Variants in B3GAT2 observed in about 807,000 individuals in gnomAD.
The protein encoded by B3GAT2 is beta-1,3-glucuronyltransferase 2.
Under a neutral mutation model 27.8 loss-of-function variants are expected in B3GAT2, and 26 were observed. The observed-to-expected ratio is 0.93, with a 90% CI of 0.68 to 1.30. B3GAT2 has a LOEUF of 1.30. B3GAT2 is among the 50% of genes most tolerant of loss of function. B3GAT2 has a pLI of 0.00. For missense variants in B3GAT2, 458 were observed against 459.0 expected (o/e 1.00, Z 0.02); for synonymous variants, 218 against 195.1 (o/e 1.12, Z -0.98).
intron 1 of B3GAT2, among the ~76,000 whole-genome samples, chr6:70,944,953 A>G (rs1765455151): frequency 6.6e-6 from 1 of 152,230 alleles, no homozygotes; most frequent in Non-Finnish European, 1.5e-5. Context: ...GCTGATAACC[A>G]GGCAAACAGG....
intron 1 of B3GAT2, among the ~76,000 whole-genome samples, chr6:70,928,456 G>C (rs1773002122): frequency 1.3e-5 from 2 of 151,850 alleles, no homozygotes; most frequent in Non-Finnish European, 2.9e-5. Flanking sequence ...TAATAAGGAA[G>C]AAAAGAGAGA....
intron 1 of B3GAT2, among the ~76,000 whole-genome samples, chr6:70,921,020 T>C (rs956811644): frequency 6.6e-6 from 1 of 152,242 alleles, no homozygotes; most frequent in Admixed American, 6.5e-5. Flanking sequence ...AATCCCTTTG[T>C]AGGTGACCTG....
At chr6:70,942,840 C>G (rs192945952) in intron 1 of B3GAT2, among the ~76,000 whole-genome samples, 17 of 152,126 alleles carry the variant, frequency 1.1e-4, no homozygotes, top group African/African-American at 4.1e-4. Flanking sequence ...CAGAGTAATA[C>G]AGTAGTACTG....
intron 1 of B3GAT2, among the ~76,000 whole-genome samples, chr6:70,945,739 T>C (rs980933279): frequency 2.0e-5 from 3 of 148,058 alleles, no homozygotes; most frequent in African/African-American, 7.5e-5. Context: ...AAGATACTCC[T>C]CGAGAAGAGC....
intron 2 of B3GAT2, among the ~76,000 whole-genome samples, chr6:70,875,083 C>T (rs1771992889): frequency 6.6e-6 from 1 of 151,534 alleles, no homozygotes; most frequent in African/African-American, 2.4e-5. Context: ...TTGACTTTGA[C>T]AAATTTTGCC....
chr6:70,875,263 C>T (rs972719189), intron 2 of B3GAT2, among the ~76,000 whole-genome samples: 2 of 152,156 alleles, frequency 1.3e-5, no homozygotes, highest in African/African-American at 2.4e-5. Flanking sequence ...CAGAAAACTG[C>T]TACTTAACTA....
intron 1 of B3GAT2, among the ~76,000 whole-genome samples, chr6:70,900,030 C>T (rs1347280092): frequency 6.6e-6 from 1 of 152,182 alleles, no homozygotes; most frequent in African/African-American, 2.4e-5. Context: ...GATAAAGGGG[C>T]AGCAATTCAT....
In B3GAT2 at chr6:70,860,136, C is replaced by CTAAAGAAACAAGAATTAAAAGTGAA; in HGVS notation, c.*1502_*1526dup. On this transcript the variant is annotated 3_prime_UTR_variant, in exon 4 of 4. Coordinates refer to ENST00000230053, the MANE Select transcript of B3GAT2 (RefSeq NM_080742.3). ...AATGAAAAAATGACCAACTGTGTGG[C>CTAAAGAAACAAGAATTAAAAGTGAA]TAAAGAAACAAGAATTAAAAGTGAA... 1 of 1,499,760 alleles carries CTAAAGAAACAAGAATTAAAAGTGAA rather than the reference C, an allele frequency of 6.7e-7. No homozygotes were observed. The highest frequency in any genetic ancestry group is 8.9e-7 in the Non-Finnish European group (1 of 1,122,788). 92.9% of individuals were successfully genotyped at this position (1,499,760 alleles called of 1,614,324 possible). A position where few individuals can be genotyped will look rare whatever the true frequency, so the allele number is the denominator to read the frequency against.
intron 2 of B3GAT2, 139 bp from the exon 3 acceptor site, chr6:70,862,117 G>A (rs1184764281): frequency 1.4e-6 from 1 of 724,104 alleles, no homozygotes; most frequent in Non-Finnish European, 2.2e-6. Context: ...AGTTGAATAG[G>A]AACATTACCT....
At chr6:70,902,617 G>GAT (rs61150776) in intron 1 of B3GAT2, among the ~76,000 whole-genome samples, 12,307 of 124,706 alleles carry the variant, frequency 0.099, 929 homozygotes, top group African/African-American at 0.22. Context: ...AAGAAAATGG[G>GAT]ATATATATAT....
intron 2 of B3GAT2, among the ~76,000 whole-genome samples, chr6:70,872,504 CT>C (rs70990337): frequency 0.05 from 6,050 of 119,942 alleles, 258 homozygotes; most frequent in African/African-American, 0.14. Context: ...CATTCCCGTT[CT>C]TTTTTTTTTT....
chr6:70,931,587 GAAGA>G (rs1218509689), intron 1 of B3GAT2, among the ~76,000 whole-genome samples: 1 of 152,090 alleles, frequency 6.6e-6, no homozygotes, highest in Admixed American at 6.6e-5. Flanking sequence ...TCATTCAACG[GAAGA>G]AAGAAGAGTC....
At position 70,858,418 on chromosome 6, in the gene B3GAT2, GTTA is replaced by G. The variant is rs779961124; in HGVS notation, c.*3242_*3244del. 225 of 507,894 alleles carry G rather than the reference GTTA, an allele frequency of 4.4e-4. No individual in the cohort carries two copies. The highest frequency in any genetic ancestry group is 1.1e-3 in the African/African-American group (52 of 47,600). The allele number at this position is 507,894 out of a possible 1,614,324, so 31.5% of individuals were successfully genotyped here. ...GTTGTATCAGATAGACAAATGATGT[GTTA>G]TTATCGCTATTTTAGAGTATTCTGT... is the stretch of plus-strand genomic sequence containing the variant. On this transcript the variant is annotated 3_prime_UTR_variant, in exon 4 of 4. Coordinates refer to ENST00000230053, the MANE Select transcript of B3GAT2 (RefSeq NM_080742.3).
chr6:70,935,508 A>T (rs2150047283), intron 1 of B3GAT2, among the ~76,000 whole-genome samples: 1 of 152,050 alleles, frequency 6.6e-6, no homozygotes, highest in South Asian at 2.1e-4. Context: ...GTCATTGAAA[A>T]GTATGTTTAT....
rs757032901 is a variant in B3GAT2, at chr6:70,955,995, C to G, written c.435G>C (p.Pro145=). Residue 145 remains proline (P), a synonymous_variant, in exon 1 of 4, where the codon CCG becomes CCC. Transcript: ENST00000230053. Reference sequence around the variant, plus strand: ...GCAGCCCGGGCCGCTTGTAGCGCCGCGGCGTGGGCACGTGCAGGTGAGTGC... The same window carrying G: ...GCAGCCCGGGCCGCTTGTAGCGCCGGGGCGTGGGCACGTGCAGGTGAGTGC... ...LPSTHLHVPT[P]RRYKRPGLPR... 29 of 1,456,416 alleles carry G rather than the reference C, an allele frequency of 2.0e-5. No individual in the cohort carries two copies. The African/African-American group carries it at 2.7e-4, about 13-fold the overall frequency. The allele number at this position is 1,456,416 out of a possible 1,614,324, so 90.2% of individuals were successfully genotyped here.
chr6:70,869,461 A>G (rs1483522745), intron 2 of B3GAT2, among the ~76,000 whole-genome samples: 1 of 152,202 alleles, frequency 6.6e-6, no homozygotes, highest in Non-Finnish European at 1.5e-5. Context: ...TTTGATAAAG[A>G]TTGCATTGAA....
Position 70,858,153 on chromosome 6 carries a change from T to C in B3GAT2, c.*3510A>G. 6.2e-7 allele frequency: 1 copy of C among 1,614,018 alleles called. No individual in the cohort carries two copies. The highest frequency in any genetic ancestry group is 8.5e-7 in the Non-Finnish European group (1 of 1,179,982). ...AACGTTGTTGGCCCCCAAGGAGGAA[T>C]GGTGGGACAAATGGGTGCACCCCAG... On this transcript the variant is annotated 3_prime_UTR_variant, in exon 4 of 4. Coordinates refer to ENST00000230053, the MANE Select transcript of B3GAT2 (RefSeq NM_080742.3).
intron 1 of B3GAT2, among the ~76,000 whole-genome samples, chr6:70,924,991 A>G (rs924846256): frequency 6.6e-6 from 1 of 152,196 alleles, no homozygotes; most frequent in Admixed American, 6.5e-5. Flanking sequence ...GGCTTTTGCA[A>G]TTCTGACAAC....
intron 1 of B3GAT2, among the ~76,000 whole-genome samples, chr6:70,924,547 A>G (rs1287884735): frequency 6.6e-6 from 1 of 152,226 alleles, no homozygotes; most frequent in Non-Finnish European, 1.5e-5. Context: ...GTACTGGCAT[A>G]AAGACAGAAA....
Sources: allele counts gnomAD v4.1 joint callset (sites outside exome capture counted in the v4.1 genomes callset), GRCh38; gene constraint gnomAD v4.1.1; transcripts MANE v1.5; gene names NCBI Gene and HGNC (gene_info 2026-07-23, HGNC 2026-07-21).